Variants in ERBB2 observed in about 807,000 individuals in gnomAD.
ERBB2 encodes the protein receptor tyrosine-protein kinase erbB-2.
A neutral mutation model predicts 149.0 loss-of-function variants in ERBB2; 61 were observed. The ratio of observed to expected loss-of-function variants is 0.41; its 90% CI spans 0.33 to 0.51. The LOEUF (loss-of-function observed/expected upper bound fraction) is 0.51, where lower values mean the gene tolerates loss of function less well. Ranked by LOEUF, ERBB2 falls within the 20% of genes least tolerant of loss-of-function variation. The pLI, the probability that ERBB2 is intolerant of heterozygous loss-of-function variation, is 0.25. For synonymous variants in ERBB2, 633 were observed against 678.8 expected, an observed-to-expected ratio of 0.93 and a Z score of 1.05; for missense variants, 1,205 against 1,655.1, an observed-to-expected ratio of 0.73 and a Z score of 4.72.
rs2145823160 is a variant in ERBB2, at chr17:39,723,875, A to T, written c.2209-37A>T. Reference sequence around the variant, plus strand: ...CTGGAAGGCAGGTAGGATCCAGCCCACGCTCTTCTCACTCATATCCTCCTC... The same window carrying T: ...CTGGAAGGCAGGTAGGATCCAGCCCTCGCTCTTCTCACTCATATCCTCCTC... On this transcript the variant is annotated intron_variant, in intron 18 of 26. Transcript: ENST00000269571. The surrounding 1 kb of genome is among the most constrained non-coding windows in gnomAD (Gnocchi z 6.2). 6 of 1,567,518 alleles carry T rather than the reference A, an allele frequency of 3.8e-6. No homozygotes were observed. The highest frequency in any genetic ancestry group is 5.3e-6 in the Non-Finnish European group (6 of 1,138,112).
At position 39,706,977 on chromosome 17, in the gene ERBB2, T is replaced by C; in HGVS notation, c.74-13T>C. On this transcript the variant is annotated splice_polypyrimidine_tract_variant and intron_variant, in intron 1 of 26. Coordinates refer to ENST00000269571, the MANE Select transcript of ERBB2 (RefSeq NM_004448.4). The stretch of plus-strand genomic sequence containing the variant: ...CGCCAGTGTCCTCTGACCCATCTGC[T>C]CTCTCCTGCCAGTGTGCACCGGCAC... 1 of 1,558,990 alleles carries C rather than the reference T, an allele frequency of 6.4e-7. No individual in the cohort carries two copies.
upstream of ERBB2, among the ~76,000 whole-genome samples, chr17:39,697,357 T>TTG (rs1555612368): frequency 6.7e-6 from 1 of 148,280 alleles, no homozygotes; most frequent in African/African-American, 2.5e-5. Context: ...TTGTTTTGTT[T>TTG]TTTTTTTTTT....
At chr17:39,691,519 G>A (rs2057694740), upstream of ERBB2, among the ~76,000 whole-genome samples, 1 of 142,594 alleles carries the variant, frequency 7.0e-6, no homozygotes, top group Non-Finnish European at 1.5e-5. Context: ...ACTCCAGCCT[G>A]GTGACAGAGC....
At chr17:39,697,856 G>C (rs1011451310), upstream of ERBB2, among the ~76,000 whole-genome samples, 3 of 151,958 alleles carry the variant, frequency 2.0e-5, no homozygotes, top group Non-Finnish European at 4.4e-5. Flanking sequence ...ACCACACCTA[G>C]TTAATTTTTG....
intron 1 of ERBB2, among the ~76,000 whole-genome samples, chr17:39,703,967 C>T (rs1406936374): frequency 6.6e-6 from 1 of 152,324 alleles, no homozygotes; most frequent in African/African-American, 2.4e-5. Flanking sequence ...GGAGAGAACC[C>T]ACCTGAGAGA....
At chr17:39,709,147 G>C in intron 3 of ERBB2, 171 bp from the exon 4 acceptor site, 1 of 710,792 alleles carries the variant, frequency 1.4e-6, no homozygotes, top group Non-Finnish European at 2.4e-6. Flanking sequence ...TTCTTGTTGC[G>C]GGTGTGGTGG....
Position 39,727,608 on chromosome 17 carries a change from G to C in ERBB2, c.3412+61G>C, listed in dbSNP as rs2143271476. ...CAGGGGAGGTGGGACCTTCAGCCCAGGGTCCACTGTGGGGGCAGAGGGAGT... is the reference window on the plus strand; with the variant it reads ...CAGGGGAGGTGGGACCTTCAGCCCACGGTCCACTGTGGGGGCAGAGGGAGT... On this transcript the variant is annotated intron_variant, in intron 26 of 26. Coordinates refer to ENST00000269571, the MANE Select transcript of ERBB2 (RefSeq NM_004448.4). The surrounding 1 kb of genome is among the most constrained non-coding windows in gnomAD (Gnocchi z 4.3). The C allele has an allele frequency of 6.4e-7, 1 of 1,572,706 alleles. No homozygotes were observed. The highest frequency in any genetic ancestry group is 2.2e-5 in the East Asian group (1 of 44,680).
Position 39,727,199 on chromosome 17 carries a change from A to T in ERBB2, c.3160-96A>T, listed in dbSNP as rs2143210944. The T allele has an allele frequency of 1.4e-6, 2 of 1,458,914 alleles. No homozygotes were observed. The highest frequency in any genetic ancestry group is 1.9e-6 in the Non-Finnish European group (2 of 1,061,730). The allele number at this position is 1,458,914 out of a possible 1,614,324, so 90.4% of individuals were successfully genotyped here. ...GTGACTGTGTCATACCCCAAAGGTG[A>T]CCTCTGTTTTTCTCCTGTGACCCTG... On this transcript the variant is annotated intron_variant, in intron 25 of 26. Coordinates refer to ENST00000269571, the MANE Select transcript of ERBB2 (RefSeq NM_004448.4). The surrounding 1 kb of genome is among the most constrained non-coding windows in gnomAD (Gnocchi z 4.3).
chr17:39,706,914 T>G (rs2145398473), intron 1 of ERBB2, 76 bp from the exon 2 acceptor site: 12 of 1,390,942 alleles, frequency 8.6e-6, no homozygotes, highest in Non-Finnish European at 1.1e-5. Flanking sequence ...TGACTTGGAG[T>G]GAGTTTGGAT....
At chr17:39,693,334 G>GT (rs1485720681), upstream of ERBB2, 2 of 152,146 alleles carry the variant, frequency 1.3e-5, no homozygotes, top group African/African-American at 4.8e-5. Flanking sequence ...TGGTAAATAT[G>GT]TTTTTTCTTA....
rs935546137 is a variant in ERBB2, at chr17:39,700,067, C to T, written c.-172C>T. ...ATGAAGTTGTGAAGCTGAGATTCCCCTCCATTGGGACCGGAGAAACCAGGG... is the reference window on the plus strand; with the variant it reads ...ATGAAGTTGTGAAGCTGAGATTCCCTTCCATTGGGACCGGAGAAACCAGGG... On this transcript the variant is annotated 5_prime_UTR_variant, in exon 1 of 27. Transcript: ENST00000269571. The T allele has an allele frequency of 1.2e-5, 15 of 1,269,586 alleles. No individual in the cohort carries two copies. In the East Asian group the frequency reaches 3.8e-4, roughly 32 times the overall value. The allele number at this position is 1,269,586 out of a possible 1,614,324, so 78.6% of individuals were successfully genotyped here. A position where few individuals can be genotyped will look rare whatever the true frequency, so the allele number is the denominator to read the frequency against.
chr17:39,695,291 G>T (rs950953053), upstream of ERBB2: 1 of 152,366 alleles, frequency 6.6e-6, no homozygotes, highest in Non-Finnish European at 1.5e-5. Context: ...GGTAAGAGGG[G>T]CCCAGGGTCA....
chr17:39,724,491 C>T (rs916073290), intron 19 of ERBB2, among the ~76,000 whole-genome samples: 6 of 151,846 alleles, frequency 4.0e-5, no homozygotes, highest in Admixed American at 3.9e-4. Flanking sequence ...AACTCCTGAC[C>T]TCATGATCCG....
rs1449039298 is a variant in ERBB2 at position 39,726,175 on chromosome 17, AAT to A, written c.2872+324_2872+325del. The A allele has an allele frequency of 1.3e-5, 5 of 393,152 alleles. No homozygotes were observed. The highest frequency in any genetic ancestry group is 2.3e-5 in the Non-Finnish European group (5 of 216,726). The allele number at this position is 393,152 out of a possible 1,614,324, so 24.4% of individuals were successfully genotyped here. A position where few individuals can be genotyped will look rare whatever the true frequency, so the allele number is the denominator to read the frequency against. ...ATAGTGAGATCCTATCTCTACAAAA[AAT>A]AAAAAAATTATCTGGGTGTGGTGGT... is the stretch of plus-strand genomic sequence containing the variant. On this transcript the variant is annotated intron_variant, in intron 23 of 26. Coordinates refer to ENST00000269571, the MANE Select transcript of ERBB2 (RefSeq NM_004448.4). The surrounding 1 kb of genome is among the most constrained non-coding windows in gnomAD (Gnocchi z 5.1).
At position 39,725,939 on chromosome 17, in the gene ERBB2, G is replaced by A. The variant is rs2143093359; in HGVS notation, c.2872+86G>A. On this transcript the variant is annotated intron_variant, in intron 23 of 26. Transcript: ENST00000269571. The surrounding 1 kb of genome is among the most constrained non-coding windows in gnomAD (Gnocchi z 4.6). ...CCACAAGGGGCATGAAAGGGGACCA[G>A]GATGTATGTAGACCCAGGAGCCCTA... The A allele has an allele frequency of 7.0e-7, 1 of 1,435,420 alleles. No individual in the cohort carries two copies. The highest frequency in any genetic ancestry group is 1.2e-5 in the South Asian group (1 of 83,844). The allele number at this position is 1,435,420 out of a possible 1,614,324, so 88.9% of individuals were successfully genotyped here.
chr17:39,721,748 G>A (rs2059464397), intron 16 of ERBB2, among the ~76,000 whole-genome samples: 1 of 152,078 alleles, frequency 6.6e-6, no homozygotes, highest in South Asian at 2.1e-4. Context: ...GAATCTCTGG[G>A]GGTGGGGCCC....
chr17:39,710,610 C>T, intron 7 of ERBB2, 129 bp downstream of exon 7: 1 of 1,136,642 alleles, frequency 8.8e-7, no homozygotes, highest in Non-Finnish European at 1.2e-6. Context: ...TGCCGAGCTG[C>T]CTTGTTCTTT....
upstream of ERBB2, chr17:39,694,542 G>A (rs1178277389): frequency 3.3e-5 from 5 of 151,542 alleles, no homozygotes; most frequent in African/African-American, 1.2e-4. Flanking sequence ...GGAGTTGATA[G>A]ATCTTAAAGA....
rs749453104 is a variant in ERBB2 at position 39,710,456 on chromosome 17, C to T, written c.876C>T (p.Gly292=). 148 of 1,613,976 alleles carry T rather than the reference C, an allele frequency of 9.2e-5. No homozygotes were observed. The highest frequency in any genetic ancestry group is 7.4e-4 in the South Asian group (67 of 91,088). The change falls in exon 7 of 27, where the codon GGC becomes GGT. Residue 292 remains glycine, a synonymous_variant. Transcript: ENST00000269571. ...ATCCCGAGGGCCGGTATACATTCGG[C>T]GCCAGCTGTGTGACTGCCTGTCCCT... The part of the protein sequence containing the change: ...MPNPEGRYTF[G]ASCVTACPYN...
Sources: allele counts gnomAD v4.1 joint callset (sites outside exome capture counted in the v4.1 genomes callset), GRCh38; gene constraint gnomAD v4.1.1; non-coding constraint Gnocchi (gnomAD v3.1); transcripts MANE v1.5; gene names NCBI Gene and HGNC (gene_info 2026-07-23, HGNC 2026-07-21).